PCDH7: variants seen among roughly 807,000 people sequenced by gnomAD.
PCDH7 encodes protocadherin 7.
Under a neutral mutation model 58.9 loss-of-function variants are expected in PCDH7, and 17 were observed. The observed-to-expected ratio is 0.29, with a 90% CI of 0.20 to 0.43. The LOEUF is 0.43. Among genes scored for constraint, PCDH7 ranks in the 20% least tolerant of loss-of-function variants. PCDH7 has a pLI of 1.00. For missense variants in PCDH7, 1,274 were observed against 1,441.0 expected (o/e 0.88, Z 1.88); for synonymous variants, 664 against 616.4 (o/e 1.08, Z -1.14).
chr4:30,730,262 C>G (rs531915534), intron 1 of PCDH7, among the ~76,000 whole-genome samples: 2 of 151,930 alleles, frequency 1.3e-5, no homozygotes, highest in African/African-American at 4.8e-5. Flanking sequence ...AAGAGCTGTT[C>G]CCATATATCT....
chr4:31,058,713 C>T (rs1178340180), intron 3 of PCDH7, among the ~76,000 whole-genome samples: 1 of 151,944 alleles, frequency 6.6e-6, no homozygotes, highest in African/African-American at 2.4e-5. Flanking sequence ...GTCTTTCACA[C>T]CAACTGTGTT....
chr4:30,991,914 G>A (rs1001296254), intron 3 of PCDH7, among the ~76,000 whole-genome samples: 13 of 152,078 alleles, frequency 8.5e-5, no homozygotes, highest in Non-Finnish European at 1.5e-4. Context: ...CTAAATATTT[G>A]AAAAGACTTC....
At chr4:30,765,124 G>GTTTTTTTTTTT (rs1242502475) in intron 1 of PCDH7, among the ~76,000 whole-genome samples, 31 of 36,010 alleles carry the variant, frequency 8.6e-4, no homozygotes, top group Non-Finnish European at 1.8e-3. Context: ...GACTTCAGAT[G>GTTTTTTTTTTT]CTTTTTTTTT....
At chr4:31,082,188 A>G (rs13110399) in intron 3 of PCDH7, among the ~76,000 whole-genome samples, 5,926 of 152,276 alleles carry the variant, frequency 0.039, 406 homozygotes, top group East Asian at 0.33. Flanking sequence ...AGCCTAGACT[A>G]TAGATACAAG....
rs561302807 is a variant in PCDH7, at chr4:30,999,160, G to GT, written c.*7+48947dup. Among the ~76,000 whole-genome samples, 41 of 152,208 alleles carry GT rather than the reference G, an allele frequency of 2.7e-4. No homozygotes were observed. In the East Asian group the frequency reaches 7.4e-3, roughly 27 times the overall value. On this transcript the variant is annotated intron_variant, in intron 3 of 3. Coordinates refer to the PCDH7 transcript ENST00000509759. ...CTACCTGGCCGTGAATACTAATTGTGTTACCTTTGGAAAGTCACTTCTTGA... is the reference window on the plus strand; with the variant it reads ...CTACCTGGCCGTGAATACTAATTGTGTTTACCTTTGGAAAGTCACTTCTTGA...
chr4:30,880,125 T>C (rs1198959058), intron 1 of PCDH7, among the ~76,000 whole-genome samples: 1 of 152,066 alleles, frequency 6.6e-6, no homozygotes, highest in Non-Finnish European at 1.5e-5. Context: ...TTTAACTTCT[T>C]GGGAAAATGC....
In PCDH7 at chr4:30,730,072, G is replaced by A. The variant is rs78303136; in HGVS notation, c.3175-681G>A. On this transcript the variant is annotated intron_variant, in intron 1 of 1. Coordinates refer to ENST00000361762, the Ensembl canonical transcript of PCDH7. ...ATCTTTTCTTTCCTGGGAGGATGTGGTGGTGGAGATTATGTAGGAGATTTA... is the reference window on the plus strand; with the variant it reads ...ATCTTTTCTTTCCTGGGAGGATGTGATGGTGGAGATTATGTAGGAGATTTA... 6.5e-3 allele frequency among the ~76,000 whole-genome samples: 980 copies of A among 151,808 alleles called. 7 individuals are homozygous for A. Among genetic ancestry groups the A allele is most frequent in the Non-Finnish European group, 9.2e-3 (627 of 67,828 alleles).
chr4:31,032,860 T>C lies in PCDH7; in HGVS notation c.*7+82645T>C, dbSNP rs868379288. ...AATTTTGTCATGAAATGATGTTTTA[T>C]CTTAGAATCTATTAATGGACAGTTA... On this transcript the variant is annotated intron_variant, in intron 3 of 3. Transcript: ENST00000509759. Among the ~76,000 whole-genome samples, 137 of 152,324 alleles carry C rather than the reference T, an allele frequency of 9.0e-4. 1 individual carries two copies. Among genetic ancestry groups the C allele is most frequent in the African/African-American group, 3.1e-3 (127 of 41,578 alleles).
At chr4:31,033,470 G>A (rs1374144641) in intron 3 of PCDH7, among the ~76,000 whole-genome samples, 1 of 152,110 alleles carries the variant, frequency 6.6e-6, no homozygotes, top group Non-Finnish European at 1.5e-5. Flanking sequence ...ATATCGAGAG[G>A]ACTATTTTTG....
At chr4:30,979,744 A>T (rs1477434333) in intron 3 of PCDH7, among the ~76,000 whole-genome samples, 1 of 151,966 alleles carries the variant, frequency 6.6e-6, no homozygotes, top group Non-Finnish European at 1.5e-5. Flanking sequence ...GAAGTCAGGG[A>T]CTACATCATT....
chr4:30,781,902 G>A (rs1324933692), intron 1 of PCDH7, among the ~76,000 whole-genome samples: 1 of 152,134 alleles, frequency 6.6e-6, no homozygotes, highest in African/African-American at 2.4e-5. Flanking sequence ...ATTTTTAAGA[G>A]TATAGTTCAA....
intron 2 of PCDH7, among the ~76,000 whole-genome samples, chr4:30,943,644 T>C (rs1005341116): frequency 2.6e-5 from 4 of 152,088 alleles, no homozygotes; most frequent in Non-Finnish European, 5.9e-5. Flanking sequence ...CTTGTCCAAC[T>C]CGTGGCCCAG....
At chr4:31,067,731 T>G (rs1578705054) in intron 3 of PCDH7, among the ~76,000 whole-genome samples, 2 of 151,980 alleles carry the variant, frequency 1.3e-5, no homozygotes, top group African/African-American at 4.8e-5. Context: ...TAGCCCCTTT[T>G]CTAAAAAATT....
chr4:30,942,675 T>G (rs1746181982), intron 2 of PCDH7, among the ~76,000 whole-genome samples: 1 of 152,046 alleles, frequency 6.6e-6, no homozygotes, highest in African/African-American at 2.4e-5. Flanking sequence ...ATTAGTAAAC[T>G]TTATGAGTAA....
At chr4:31,056,721 G>A (rs906338125) in intron 3 of PCDH7, among the ~76,000 whole-genome samples, 19 of 151,328 alleles carry the variant, frequency 1.3e-4, no homozygotes, top group African/African-American at 3.4e-4. Context: ...AAAAAGGAAG[G>A]GAAAGAAAGA....
intron 3 of PCDH7, among the ~76,000 whole-genome samples, chr4:31,110,715 A>C (rs1398506817): frequency 6.6e-6 from 1 of 152,072 alleles, no homozygotes; most frequent in Non-Finnish European, 1.5e-5. Context: ...GGAAATCGAG[A>C]CCATCCTGGC....
At chr4:30,939,902 G>T (rs1469239921) in intron 2 of PCDH7, among the ~76,000 whole-genome samples, 2 of 152,040 alleles carry the variant, frequency 1.3e-5, no homozygotes, top group Non-Finnish European at 2.9e-5. Flanking sequence ...AGCATTCCAT[G>T]TACAGGGCCT....
At chr4:30,775,224 A>T (rs955269966) in intron 1 of PCDH7, among the ~76,000 whole-genome samples, 5 of 152,180 alleles carry the variant, frequency 3.3e-5, no homozygotes, top group Non-Finnish European at 7.3e-5. Flanking sequence ...TTTTGCTGAG[A>T]CATGACTAGC....
chr4:30,766,019 G>A (rs1034296470), intron 1 of PCDH7, among the ~76,000 whole-genome samples: 1 of 151,842 alleles, frequency 6.6e-6, no homozygotes, highest in African/African-American at 2.4e-5. Context: ...CAAATGTGAC[G>A]CCTGGTAAGA....
Sources: allele counts gnomAD v4.1 joint callset (sites outside exome capture counted in the v4.1 genomes callset), GRCh38; gene constraint gnomAD v4.1.1; transcripts MANE v1.5; gene names NCBI Gene and HGNC (gene_info 2026-07-23, HGNC 2026-07-21).